Variants in BORA observed in about 807,000 individuals in gnomAD.
The protein encoded by BORA is protein aurora borealis.
In BORA, 26 loss-of-function variants were observed where a neutral mutation model predicts 55.8. The ratio of observed to expected loss-of-function variants is 0.47; its 90% CI spans 0.34 to 0.65. BORA has a LOEUF of 0.65. Ranked by LOEUF, BORA falls within the 30% of genes least tolerant of loss-of-function variation. The pLI, the probability that BORA is intolerant of heterozygous loss-of-function variation, is 0.01. For missense variants in BORA, 568 were observed against 671.5 expected (o/e 0.85, Z 1.70); for synonymous variants, 201 against 216.9 (o/e 0.93, Z 0.64).
intron 8 of BORA, among the ~76,000 whole-genome samples, chr13:72,745,510 T>C (rs2033122665): frequency 6.6e-6 from 1 of 152,222 alleles, no homozygotes. Flanking sequence ...GTTCGTATGT[T>C]ATCATTAGTC....
intron 10 of BORA, 130 bp downstream of exon 10, chr13:72,747,241 ATAT>A (rs2033170438): frequency 1.1e-6 from 1 of 937,082 alleles, no homozygotes; most frequent in Admixed American, 2.8e-5. Context: ...TTTTTTAAAA[ATAT>A]TAATACCAAG....
intron 5 of BORA, among the ~76,000 whole-genome samples, chr13:72,739,432 A>G (rs1466889921): frequency 2.0e-5 from 3 of 152,194 alleles, no homozygotes; most frequent in Non-Finnish European, 4.4e-5. Flanking sequence ...TTGGGAGACA[A>G]TTCTCCATAG....
At chr13:72,746,300 T>G (rs1302351230) in intron 9 of BORA, among the ~76,000 whole-genome samples, 1 of 152,248 alleles carries the variant, frequency 6.6e-6, no homozygotes, top group African/African-American at 2.4e-5. Flanking sequence ...ATTAGCAATA[T>G]TTACATCAAA....
intron 5 of BORA, among the ~76,000 whole-genome samples, chr13:72,742,001 T>G (rs1167407566): frequency 6.6e-6 from 1 of 152,182 alleles, no homozygotes; most frequent in Non-Finnish European, 1.5e-5. Context: ...TTGGATTTTA[T>G]CCTAAAGACT....
Position 72,755,221 on chromosome 13 carries a change from C to A in BORA, c.*5C>A. On this transcript the variant is annotated 3_prime_UTR_variant, in exon 12 of 12. Transcript: ENST00000390667. Reference sequence around the variant, plus strand: ...TTTCAATGCAGCAGTCCATAGAATGCCTCTGTCAGAATCAAAGACTAAGCT... The same window carrying A: ...TTTCAATGCAGCAGTCCATAGAATGACTCTGTCAGAATCAAAGACTAAGCT... 6.2e-7 allele frequency: 1 copy of A among 1,603,150 alleles called. No individual in the cohort carries two copies. Among genetic ancestry groups the A allele is most frequent in the Non-Finnish European group, 8.5e-7 (1 of 1,170,702 alleles).
chr13:72,746,770 G>A lies in BORA; in HGVS notation c.1141G>A (p.Ala381Thr). The A allele has an allele frequency of 6.2e-7, 1 of 1,614,136 alleles. No homozygotes were observed. Among genetic ancestry groups the A allele is most frequent in the Non-Finnish European group, 8.5e-7 (1 of 1,180,002 alleles). The change falls in exon 10 of 12, where the codon GCT (alanine) becomes ACT (threonine). Residue 381 changes from alanine (A) to threonine (T), a missense_variant. Transcript: ENST00000390667. ...TDVSSPAMDA[A>T]GIHLRQFSNE... is the part of the protein sequence containing the mutation. ...TGTCTCATCACCCGCCATGGATGCT[G>A]CTGGAATACACCTACGGCAGTTTAG...
Position 72,729,035 on chromosome 13 carries a change from C to T in BORA, c.95C>T (p.Ser32Phe), listed in dbSNP as rs544153255. ...LNPFESPSDY[S>F]NLHEQTLASP... ...CCTTTTGAAAGTCCTAGTGATTATT[C>T]TAATCTCCATGAACAAACTCTCGCC... is the stretch of plus-strand genomic sequence containing the variant. Residue 32 changes from serine to phenylalanine, a missense_variant, in exon 2 of 12, where the codon TCT (serine) becomes TTT (phenylalanine). Ser to Phe is a radical substitution (Grantham distance 155). Coordinates refer to ENST00000390667, the MANE Select transcript of BORA (RefSeq NM_024808.5). 1 of 1,602,922 alleles carries T rather than the reference C, an allele frequency of 6.2e-7. No homozygotes were observed. The highest frequency in any genetic ancestry group is 1.3e-5 in the African/African-American group (1 of 74,292).
At chr13:72,734,247 T>C (rs2138047666) in intron 3 of BORA, among the ~76,000 whole-genome samples, 1 of 152,114 alleles carries the variant, frequency 6.6e-6, no homozygotes, top group African/African-American at 2.4e-5. Context: ...TAAAAAAAAA[T>C]ATGTCTTACC....
At position 72,746,796 on chromosome 13, in the gene BORA, T is replaced by C. The variant is rs1278879730; in HGVS notation, c.1167T>C (p.Ser389=). The C allele has an allele frequency of 1.2e-6, 2 of 1,614,166 alleles. No individual in the cohort carries two copies. Among genetic ancestry groups the C allele is most frequent in the Non-Finnish European group, 1.7e-6 (2 of 1,179,992 alleles). ...DAAGIHLRQF[S]NEASTHGTHL... ...CTGGAATACACCTACGGCAGTTTAG[T>C]AATGAGGCTTCTACCCATGGTACAC... The change falls in exon 10 of 12, where the codon AGT becomes AGC. Residue 389 remains serine, a synonymous_variant. Transcript: ENST00000390667.
chr13:72,744,468 C>G, intron 6 of BORA, 37 bp from the exon 7 acceptor site: 1 of 1,555,656 alleles, frequency 6.4e-7, no homozygotes, highest in Non-Finnish European at 8.9e-7. Flanking sequence ...TGATTTATCC[C>G]ATGTTTGAAT....
chr13:72,743,910 A>G (rs958373301), intron 6 of BORA, among the ~76,000 whole-genome samples: 5 of 151,426 alleles, frequency 3.3e-5, no homozygotes, highest in African/African-American at 1.2e-4. Context: ...TAATTTTTGT[A>G]TTTTTTTGTA....
chr13:72,746,781 C>T lies in BORA; in HGVS notation c.1152C>T (p.His384=), dbSNP rs763532235. ...CCGCCATGGATGCTGCTGGAATACA[C>T]CTACGGCAGTTTAGTAATGAGGCTT... The part of the protein sequence containing the change: ...SSPAMDAAGI[H]LRQFSNEAST... The change falls in exon 10 of 12, where the codon CAC becomes CAT. Residue 384 remains histidine, a synonymous_variant. Transcript: ENST00000390667. 1 of 1,614,128 alleles carries T rather than the reference C, an allele frequency of 6.2e-7. No homozygotes were observed. The highest frequency in any genetic ancestry group is 8.5e-7 in the Non-Finnish European group (1 of 1,180,002).
intron 11 of BORA, chr13:72,754,507 A>G (rs2138119003): frequency 6.6e-6 from 1 of 151,954 alleles, no homozygotes; most frequent in East Asian, 1.9e-4. Context: ...AATACTATAA[A>G]TATCAGCAAA....
At chr13:72,748,831 T>C (rs1466850760) in intron 10 of BORA, among the ~76,000 whole-genome samples, 2 of 152,190 alleles carry the variant, frequency 1.3e-5, no homozygotes, top group East Asian at 1.9e-4. Context: ...CAACTAACCT[T>C]TGGAAGCCGT....
chr13:72,737,659 C>A (rs1359118620), intron 4 of BORA, among the ~76,000 whole-genome samples: 1 of 151,930 alleles, frequency 6.6e-6, no homozygotes, highest in African/African-American at 2.4e-5. Flanking sequence ...CCCTTTTCAT[C>A]CTTTTTTTTG....
chr13:72,729,440 GTTGC>G (rs1274544606), intron 2 of BORA, among the ~76,000 whole-genome samples: 1 of 152,186 alleles, frequency 6.6e-6, no homozygotes, highest in Non-Finnish European at 1.5e-5. Flanking sequence ...TTATTTGAGT[GTTGC>G]TATGTGTCAG....
rs1555273814 is a variant in BORA at position 72,756,175 on chromosome 13, G to GAGTAATTCATATGTACCCTTAGGA, written c.*960_*961insGTAATTCATATGTACCCTTAGGAA. ...TTTAAAAACTGTCTCATTCAAAAGG[G>GAGTAATTCATATGTACCCTTAGGA]AATAAAGACCTGTGTTATCAATGTG... On this transcript the variant is annotated 3_prime_UTR_variant, in exon 12 of 12. Coordinates refer to ENST00000390667, the MANE Select transcript of BORA (RefSeq NM_024808.5). 5 of 375,404 alleles carry GAGTAATTCATATGTACCCTTAGGA rather than the reference G, an allele frequency of 1.3e-5. No individual in the cohort carries two copies. Among genetic ancestry groups the GAGTAATTCATATGTACCCTTAGGA allele is most frequent in the African/African-American group, 8.3e-5 (4 of 48,060 alleles). 23.3% of individuals were successfully genotyped at this position (375,404 alleles called of 1,614,324 possible). A position where few individuals can be genotyped will look rare whatever the true frequency, so the allele number is the denominator to read the frequency against.
chr13:72,752,573 A>G (rs1301346018), intron 10 of BORA: 1 of 152,222 alleles, frequency 6.6e-6, no homozygotes, highest in Non-Finnish European at 1.5e-5. Flanking sequence ...ATTAGAAGGA[A>G]GAGCTATTGG....
intron 5 of BORA, among the ~76,000 whole-genome samples, chr13:72,740,670 C>T (rs1212048373): frequency 6.6e-6 from 1 of 152,132 alleles, no homozygotes; most frequent in African/African-American, 2.4e-5. Context: ...TCTGTTGGAA[C>T]CACTCCACTC....
Sources: gnomAD v4.1 joint callset for allele counts (sites outside exome capture counted in the v4.1 genomes callset) on GRCh38, gnomAD v4.1.1 for gene constraint, MANE v1.5 for transcripts, NCBI Gene and HGNC (gene_info 2026-07-23, HGNC 2026-07-21) for gene names.